The following SYT9 variants were observed in gnomAD, a reference collection of about 807,000 sequenced individuals.
SYT9 encodes the protein synaptotagmin 9.
In SYT9, 22 loss-of-function variants were observed where a neutral mutation model predicts 48.4. The ratio of observed to expected loss-of-function variants is 0.45; its 90% CI spans 0.32 to 0.65. The LOEUF (loss-of-function observed/expected upper bound fraction) is 0.65, where lower values mean the gene tolerates loss of function less well. SYT9 is among the 30% of genes least tolerant of loss of function. SYT9 has a pLI of 0.03. For synonymous variants in SYT9, 265 were observed against 245.0 expected, an observed-to-expected ratio of 1.08 and a Z score of -0.76; for missense variants, 577 against 622.0, an observed-to-expected ratio of 0.93 and a Z score of 0.77.
At chr11:7,362,334 A>T (rs1174775444) in intron 3 of SYT9, among the ~76,000 whole-genome samples, 4 of 151,554 alleles carry the variant, frequency 2.6e-5, no homozygotes, top group African/African-American at 9.7e-5. Flanking sequence ...TAGGTTTCAC[A>T]ATGTTGGCCA....
intron 3 of SYT9, among the ~76,000 whole-genome samples, chr11:7,314,884 A>G (rs1242446267): frequency 6.6e-6 from 1 of 152,232 alleles, no homozygotes; most frequent in African/African-American, 2.4e-5. Context: ...TATTCAGCTC[A>G]GACACTGATT....
At position 7,397,751 on chromosome 11, in the gene SYT9, C is replaced by T. The variant is rs532570732; in HGVS notation, c.1045-18291C>T. On this transcript the variant is annotated intron_variant, in intron 3 of 6. Coordinates refer to ENST00000318881, the MANE Select transcript of SYT9 (RefSeq NM_175733.4). ...TTGCACATAATTTGTTAAATGCACC[C>T]CTAACTATACATGTAAATGCATTGT... Among the ~76,000 whole-genome samples, 30 of 152,194 alleles carry T rather than the reference C, an allele frequency of 2.0e-4. No individual in the cohort carries two copies. The East Asian group carries it at 2.9e-3, about 15-fold the overall frequency.
intron 3 of SYT9, among the ~76,000 whole-genome samples, chr11:7,373,046 G>A (rs1389477201): frequency 6.6e-6 from 1 of 151,914 alleles, no homozygotes; most frequent in African/African-American, 2.4e-5. Flanking sequence ...TATATTCCTA[G>A]TTTACTAATT....
rs200069324 is a variant in SYT9, at chr11:7,420,765, T to C, written c.1467+130T>C. On this transcript the variant is annotated intron_variant, in intron 6 of 6. Coordinates refer to ENST00000318881, the MANE Select transcript of SYT9 (RefSeq NM_175733.4). ...GACGGGTTTTCCTGGTTGCATTTCC[T>C]GGGGCTGTTGGGACTTGCATTCAAT... 91 of 1,115,998 alleles carry C rather than the reference T, an allele frequency of 8.2e-5. 1 individual carries two copies. In the East Asian group the frequency reaches 2.3e-3, roughly 28 times the overall value. The allele number at this position is 1,115,998 out of a possible 1,614,324, so 69.1% of individuals were successfully genotyped here.
chr11:7,420,439 A>G, intron 5 of SYT9, 67 bp from the exon 6 acceptor site: 1 of 1,577,138 alleles, frequency 6.3e-7, no homozygotes, highest in Non-Finnish European at 8.7e-7. Context: ...TCATCAGTTT[A>G]ATTGAGTAGC....
intron 3 of SYT9, among the ~76,000 whole-genome samples, chr11:7,367,890 A>G (rs1013669372): frequency 2.0e-5 from 3 of 152,234 alleles, no homozygotes; most frequent in Admixed American, 1.3e-4. Flanking sequence ...CTAAGTTAAC[A>G]CTAACCATTT....
At chr11:7,431,230 C>T (rs936506707) in intron 6 of SYT9, among the ~76,000 whole-genome samples, 2 of 152,174 alleles carry the variant, frequency 1.3e-5, no homozygotes, top group Non-Finnish European at 2.9e-5. Context: ...GCAAAGAACT[C>T]GGTTGTATTG....
chr11:7,328,157 C>T lies in SYT9; in HGVS notation c.1044+14216C>T, dbSNP rs186924888. On this transcript the variant is annotated intron_variant, in intron 3 of 6. Transcript: ENST00000318881. ...TGTATATTTCTATTTTTTTAACTTA[C>T]AAATTTCCTACATCCTTATATTTTA... Among the ~76,000 whole-genome samples, 30 of 151,464 alleles carry T rather than the reference C, an allele frequency of 2.0e-4. No individual in the cohort carries two copies. The East Asian group carries it at 5.2e-3, about 26-fold the overall frequency.
chr11:7,417,857 G>T (rs1847280564), intron 4 of SYT9, 100 bp from the exon 5 acceptor site: 4 of 1,271,536 alleles, frequency 3.1e-6, no homozygotes, highest in Admixed American at 2.4e-5. Flanking sequence ...AGGTAAAGGA[G>T]TTCAGCATAC....
At chr11:7,269,230 G>T (rs1848250874) in intron 1 of SYT9, among the ~76,000 whole-genome samples, 1 of 151,930 alleles carries the variant, frequency 6.6e-6, no homozygotes, top group Non-Finnish European at 1.5e-5. Context: ...GGTGGGAAAT[G>T]GGCTATTCAG....
At chr11:7,441,929 C>T (rs1424889807) in intron 6 of SYT9, among the ~76,000 whole-genome samples, 1 of 152,078 alleles carries the variant, frequency 6.6e-6, no homozygotes, top group Non-Finnish European at 1.5e-5. Flanking sequence ...CCCAGCCAAC[C>T]TTCCAGCTAT....
chr11:7,249,862 G>T (rs1266256955), upstream of SYT9, among the ~76,000 whole-genome samples: 1 of 152,078 alleles, frequency 6.6e-6, no homozygotes, highest in Non-Finnish European at 1.5e-5. Flanking sequence ...TTTATCCAAA[G>T]GACACTTTTT....
intron 3 of SYT9, among the ~76,000 whole-genome samples, chr11:7,403,480 A>C (rs1224755828): frequency 1.3e-5 from 2 of 152,178 alleles, no homozygotes. Context: ...TGAGCCTAGG[A>C]GATTGAGGCT....
chr11:7,289,664 T>G (rs1333575591), intron 1 of SYT9, among the ~76,000 whole-genome samples: 1 of 152,212 alleles, frequency 6.6e-6, no homozygotes, highest in Non-Finnish European at 1.5e-5. Flanking sequence ...GGAGAACATT[T>G]TTGAAAAGAA....
chr11:7,328,944 C>T (rs1461114007), intron 3 of SYT9, among the ~76,000 whole-genome samples: 1 of 152,154 alleles, frequency 6.6e-6, no homozygotes, highest in Non-Finnish European at 1.5e-5. Flanking sequence ...AAATCAACCG[C>T]TCTCTATGTG....
chr11:7,360,154 ATAGT>A (rs1427337443), intron 3 of SYT9, among the ~76,000 whole-genome samples: 4 of 152,172 alleles, frequency 2.6e-5, no homozygotes, highest in Non-Finnish European at 5.9e-5. Context: ...CAAAGATCAG[ATAGT>A]TGTAGGTATG....
At chr11:7,350,875 G>A (rs2134002974) in intron 3 of SYT9, among the ~76,000 whole-genome samples, 1 of 152,326 alleles carries the variant, frequency 6.6e-6, no homozygotes, top group East Asian at 1.9e-4. Context: ...TTCTAAATGT[G>A]TAAAACAATT....
At chr11:7,296,897 C>G (rs1055722643) in intron 1 of SYT9, among the ~76,000 whole-genome samples, 5 of 152,280 alleles carry the variant, frequency 3.3e-5, no homozygotes, top group Middle Eastern at 3.4e-3. Context: ...TTTCCACTCT[C>G]TAATTACATT....
intron 3 of SYT9, among the ~76,000 whole-genome samples, chr11:7,319,454 C>T (rs1849302200): frequency 6.6e-6 from 1 of 151,966 alleles, no homozygotes; most frequent in Admixed American, 6.6e-5. Flanking sequence ...GACATTTGGT[C>T]TAATATATAT....
Sources: allele counts gnomAD v4.1 joint callset (sites outside exome capture counted in the v4.1 genomes callset), GRCh38; gene constraint gnomAD v4.1.1; transcripts MANE v1.5; gene names NCBI Gene and HGNC (gene_info 2026-07-23, HGNC 2026-07-21).